DISC1: variants seen among roughly 807,000 people sequenced by gnomAD.
DISC1 encodes the protein disrupted in schizophrenia 1 protein.
DISC1 carries 57 observed loss-of-function variants against 84.5 expected under a neutral mutation model. The ratio of observed to expected loss-of-function variants is 0.67; its 90% CI spans 0.55 to 0.84. The LOEUF is 0.84. Among genes scored for constraint, DISC1 ranks in the 40% least tolerant of loss-of-function variants. The pLI is 0.00. For synonymous variants in DISC1, 411 were observed against 415.2 expected (o/e 0.99, Z 0.12); for missense variants, 1,000 against 1,057.8 (o/e 0.95, Z 0.76).
In DISC1 at chr1:232,040,099, C is replaced by T. The variant is rs1018479758; in HGVS notation, c.*3268C>T. The stretch of plus-strand genomic sequence containing the variant: ...CTCTACCTCCCAGGTTCAAGCTATT[C>T]TACTGCCTCAGCCTCCCAAGTAGCT... On this transcript the variant is annotated 3_prime_UTR_variant, in exon 13 of 13. Coordinates refer to ENST00000439617, the MANE Select transcript of DISC1 (RefSeq NM_018662.3). The T allele has an allele frequency of 2.0e-5, 3 of 152,126 alleles. No individual in the cohort carries two copies. The highest frequency in any genetic ancestry group is 7.2e-5 in the African/African-American group (3 of 41,388). 9.4% of individuals were successfully genotyped at this position (152,126 alleles called of 1,614,324 possible). A position where few individuals can be genotyped will look rare whatever the true frequency, so the allele number is the denominator to read the frequency against.
chr1:231,641,691 T>C (rs2059701038), intron 1 of DISC1, among the ~76,000 whole-genome samples: 1 of 152,222 alleles, frequency 6.6e-6, no homozygotes, highest in Non-Finnish European at 1.5e-5. Context: ...GGGCGCTGAT[T>C]GGTACGTTTA....
intron 10 of DISC1, among the ~76,000 whole-genome samples, chr1:231,978,434 T>A (rs1172525752): frequency 6.6e-6 from 1 of 152,228 alleles, no homozygotes; most frequent in Non-Finnish European, 1.5e-5. Flanking sequence ...AAATAAACTT[T>A]CCTCTATTTG....
chr1:231,691,854 G>T (rs944962754), intron 1 of DISC1, among the ~76,000 whole-genome samples: 2 of 152,166 alleles, frequency 1.3e-5, no homozygotes, highest in South Asian at 2.1e-4. Flanking sequence ...GCCCCTGCCG[G>T]TCGGGCCCGG....
At position 231,843,243 on chromosome 1, in the gene DISC1, G is replaced by A. The variant is rs1343274878; in HGVS notation, c.1981+24726G>A. On this transcript the variant is annotated intron_variant, in intron 9 of 12. Coordinates refer to ENST00000439617, the MANE Select transcript of DISC1 (RefSeq NM_018662.3). The stretch of plus-strand genomic sequence containing the variant: ...AGAAGAAAGAACAAGCATGAGAGGT[G>A]ATAGAGAAAAGCTTCCTTATGGGGA... Among the ~76,000 whole-genome samples, 3 of 152,194 alleles carry A rather than the reference G, an allele frequency of 2.0e-5. No homozygotes were observed. In the East Asian group the frequency reaches 5.8e-4, roughly 29 times the overall value.
chr1:231,701,021 C>T (rs2066351463), intron 2 of DISC1, among the ~76,000 whole-genome samples: 1 of 152,144 alleles, frequency 6.6e-6, no homozygotes, highest in Non-Finnish European at 1.5e-5. Flanking sequence ...AGTCAGTTCT[C>T]ATGCTGCTAA....
intron 1 of DISC1, among the ~76,000 whole-genome samples, chr1:231,637,928 A>G (rs538775517): frequency 1.3e-5 from 2 of 152,300 alleles, no homozygotes; most frequent in Admixed American, 6.5e-5. Flanking sequence ...ACTTTTTTCC[A>G]TAGAGATTTT....
chr1:231,912,893 G>A (rs200348344), intron 9 of DISC1, among the ~76,000 whole-genome samples: 40 of 126,168 alleles, frequency 3.2e-4, no homozygotes, highest in Non-Finnish European at 5.0e-4. Flanking sequence ...TTCCACCCCC[G>A]TTTCTGTCTT....
At chr1:231,757,297 C>T (rs1238130558) in intron 4 of DISC1, among the ~76,000 whole-genome samples, 1 of 152,176 alleles carries the variant, frequency 6.6e-6, no homozygotes, top group Admixed American at 6.5e-5. Flanking sequence ...ACTCACAGAT[C>T]TCCTGAGTTA....
At chr1:231,703,369 C>T (rs1454911469) in intron 3 of DISC1, among the ~76,000 whole-genome samples, 1 of 152,184 alleles carries the variant, frequency 6.6e-6, no homozygotes, top group East Asian at 1.9e-4. Flanking sequence ...TCAGCCCGGG[C>T]ACAGCTGTAG....
At chr1:231,893,193 A>G (rs1472168344) in intron 9 of DISC1, among the ~76,000 whole-genome samples, 1 of 152,200 alleles carries the variant, frequency 6.6e-6, no homozygotes, top group African/African-American at 2.4e-5. Context: ...AATGTGGCAT[A>G]TTAAAAATTA....
At chr1:231,750,158 G>A (rs200825407) in intron 4 of DISC1, 82 bp downstream of exon 4, 65 of 1,541,632 alleles carry the variant, frequency 4.2e-5, no homozygotes, top group Non-Finnish European at 5.4e-5. Context: ...GCTGGGAGGA[G>A]CTTAGCTGTA....
intron 1 of DISC1, among the ~76,000 whole-genome samples, chr1:231,674,742 G>A (rs903119235): frequency 4.6e-5 from 7 of 152,242 alleles, no homozygotes; most frequent in Admixed American, 3.9e-4. Context: ...TCGTGGCCAT[G>A]TGTATGTAGT....
chr1:231,961,916 G>A (rs1660441476), intron 10 of DISC1, among the ~76,000 whole-genome samples: 1 of 152,172 alleles, frequency 6.6e-6, no homozygotes, highest in Non-Finnish European at 1.5e-5. Context: ...TTGCTGGGTT[G>A]AATGGCAGTT....
In DISC1 at chr1:232,000,023, T is replaced by G. The variant is rs986842917; in HGVS notation, c.2043-8762T>G. ...TAAAAAAATTAAATGGAACTCAACG[T>G]TTTTTAACATAATGACCCACATGCC... On this transcript the variant is annotated intron_variant, in intron 10 of 12. Coordinates refer to ENST00000439617, the MANE Select transcript of DISC1 (RefSeq NM_018662.3). Among the ~76,000 whole-genome samples the G allele has an allele frequency of 2.0e-5, 3 of 152,160 alleles. No individual in the cohort carries two copies. The East Asian group carries it at 5.8e-4, about 29-fold the overall frequency.
chr1:231,731,402 G>A (rs1324205283), intron 3 of DISC1, among the ~76,000 whole-genome samples: 1 of 152,208 alleles, frequency 6.6e-6, no homozygotes, highest in Non-Finnish European at 1.5e-5. Context: ...TTTCTAGGAA[G>A]AGGGTGGTAA....
At chr1:231,864,902 A>C (rs376350151) in intron 9 of DISC1, among the ~76,000 whole-genome samples, 1 of 152,264 alleles carries the variant, frequency 6.6e-6, no homozygotes, top group African/African-American at 2.4e-5. Flanking sequence ...CAGTCTAATT[A>C]TTTTATTTGG....
At chr1:231,723,967 G>GAAACTC in intron 3 of DISC1, 1 of 985,412 alleles carries the variant, frequency 1.0e-6, no homozygotes, top group Non-Finnish European at 1.2e-6. Flanking sequence ...CTCCAGGAAG[G>GAAACTC]AAACTCACCA....
intron 6 of DISC1, among the ~76,000 whole-genome samples, chr1:231,786,943 A>G (rs2077915526): frequency 6.6e-6 from 1 of 152,310 alleles, no homozygotes; most frequent in South Asian, 2.1e-4. Context: ...TTTGGGTGGC[A>G]TGTACCTTTG....
chr1:232,024,654 A>G (rs1669282383), intron 11 of DISC1, among the ~76,000 whole-genome samples: 2 of 151,434 alleles, frequency 1.3e-5, no homozygotes, highest in South Asian at 4.2e-4. Flanking sequence ...GTGCAGTGGC[A>G]TGATCTCAGA....
Sources: allele counts gnomAD v4.1 joint callset (sites outside exome capture counted in the v4.1 genomes callset), GRCh38; gene constraint gnomAD v4.1.1; transcripts MANE v1.5; gene names NCBI Gene and HGNC (gene_info 2026-07-23, HGNC 2026-07-21).